PGLYRP4: variants seen among roughly 807,000 people sequenced by gnomAD.
PGLYRP4 encodes PGRP-I-beta.
In PGLYRP4, 39 loss-of-function variants were observed where a neutral mutation model predicts 41.2. That is an observed-to-expected ratio of 0.95 (90% CI 0.73 to 1.24). PGLYRP4 has a LOEUF of 1.24. Ranked by LOEUF, PGLYRP4 falls within the 50% of genes most tolerant of loss-of-function variation. The pLI, the probability that PGLYRP4 is intolerant of heterozygous loss-of-function variation, is 0.00. For synonymous variants in PGLYRP4, 202 were observed against 186.8 expected, an observed-to-expected ratio of 1.08 and a Z score of -0.66; for missense variants, 467 against 460.7, an observed-to-expected ratio of 1.01 and a Z score of -0.13.
intron 8 of PGLYRP4, among the ~76,000 whole-genome samples, chr1:153,334,097 G>A (rs577650900): frequency 3.3e-5 from 5 of 152,024 alleles, no homozygotes; most frequent in African/African-American, 9.7e-5. Flanking sequence ...AATTGGAAAA[G>A]AGGAAGTCAA....
chr1:153,338,248 C>A (rs957148855), intron 7 of PGLYRP4, among the ~76,000 whole-genome samples: 1 of 152,180 alleles, frequency 6.6e-6, no homozygotes, highest in Non-Finnish European at 1.5e-5. Flanking sequence ...TCAATGATGT[C>A]TCCCAACTAC....
At chr1:153,338,312 C>T (rs1404548286) in intron 7 of PGLYRP4, among the ~76,000 whole-genome samples, 2 of 152,210 alleles carry the variant, frequency 1.3e-5, no homozygotes, top group Non-Finnish European at 2.9e-5. Flanking sequence ...CCACTGACCT[C>T]TGAAATTCTT....
chr1:153,332,284 T>C lies in PGLYRP4; in HGVS notation c.944-1339A>G, dbSNP rs183628867. ...AAGCTATAACAATCCTAAATATATA[T>C]GCACCCAACTCATATATATATAATG... On this transcript the variant is annotated intron_variant, in intron 8 of 8. Coordinates refer to ENST00000359650, the MANE Select transcript of PGLYRP4 (RefSeq NM_020393.4). 2.5e-3 allele frequency among the ~76,000 whole-genome samples: 384 copies of C among 152,242 alleles called. 1 individual carries two copies. The highest frequency in any genetic ancestry group is 3.1e-3 in the Non-Finnish European group (212 of 67,998).
intron 8 of PGLYRP4, among the ~76,000 whole-genome samples, chr1:153,332,389 G>T (rs1393493021): frequency 6.6e-6 from 1 of 151,958 alleles, no homozygotes; most frequent in Non-Finnish European, 1.5e-5. Flanking sequence ...AACAAATACT[G>T]CTAGACCTAA....
Position 153,330,629 on chromosome 1 carries a change from C to T in PGLYRP4, c.*138G>A, listed in dbSNP as rs887472592. 1 of 657,878 alleles carries T rather than the reference C, an allele frequency of 1.5e-6. No homozygotes were observed. Among genetic ancestry groups the T allele is most frequent in the African/African-American group, 1.8e-5 (1 of 55,676 alleles). The allele number at this position is 657,878 out of a possible 1,614,324, so 40.8% of individuals were successfully genotyped here. A position where few individuals can be genotyped will look rare whatever the true frequency, so the allele number is the denominator to read the frequency against. Reference sequence around the variant, plus strand: ...GGATGTTGGCAGGAGAGGGCATGATCATCCCAACCTGAAAAAGGAGGCACA... The same window carrying T: ...GGATGTTGGCAGGAGAGGGCATGATTATCCCAACCTGAAAAAGGAGGCACA... On this transcript the variant is annotated 3_prime_UTR_variant, in exon 9 of 9. Transcript: ENST00000359650.
At chr1:153,346,057 C>G (rs1005023934) in intron 3 of PGLYRP4, 45 bp downstream of exon 3, 1 of 1,403,524 alleles carries the variant, frequency 7.1e-7, no homozygotes, top group Non-Finnish European at 1.0e-6. Context: ...ACATGAAAAA[C>G]CCCAGCTCGT....
chr1:153,348,808 C>T lies in PGLYRP4; in HGVS notation c.-327G>A, dbSNP rs1661120504. On this transcript the variant is annotated 5_prime_UTR_variant, in exon 1 of 9. Transcript: ENST00000359650. ...GAAGACAGAGGGCAAGGCTCTGAGC[C>T]AGCTCCTTTCACAGCACCTGGAGAA... is the stretch of plus-strand genomic sequence containing the variant. The T allele has an allele frequency of 6.6e-6, 1 of 152,362 alleles. No individual in the cohort carries two copies. The highest frequency in any genetic ancestry group is 1.5e-5 in the Non-Finnish European group (1 of 68,158). The allele number at this position is 152,362 out of a possible 1,614,324, so 9.4% of individuals were successfully genotyped here. A position where few individuals can be genotyped will look rare whatever the true frequency, so the allele number is the denominator to read the frequency against.
At chr1:153,342,143 G>A (rs1037001017) in intron 5 of PGLYRP4, among the ~76,000 whole-genome samples, 11 of 152,140 alleles carry the variant, frequency 7.2e-5, no homozygotes, top group African/African-American at 2.4e-4. Flanking sequence ...CATTTAATCA[G>A]CAGCACAAAC....
chr1:153,335,938 C>T (rs1264246737), intron 8 of PGLYRP4, among the ~76,000 whole-genome samples: 1 of 152,068 alleles, frequency 6.6e-6, no homozygotes, highest in Non-Finnish European at 1.5e-5. Context: ...ATCAAAAAGA[C>T]ATTTGCACTC....
Position 153,340,363 on chromosome 1 carries a change from G to A in PGLYRP4, c.824+18C>T, listed in dbSNP as rs771233465. On this transcript the variant is annotated intron_variant, in intron 7 of 8. Transcript: ENST00000359650. ...GCCCCCAAGGGAAAAGAAGCCCAGT[G>A]TACCCAGACCCACTCACTTATAACC... is the stretch of plus-strand genomic sequence containing the variant. 4.3e-6 allele frequency: 7 copies of A among 1,610,666 alleles called. No homozygotes were observed. Among genetic ancestry groups the A allele is most frequent in the Admixed American group, 1.7e-5 (1 of 59,994 alleles).
intron 8 of PGLYRP4, among the ~76,000 whole-genome samples, chr1:153,334,722 C>A (rs1188460837): frequency 6.6e-6 from 1 of 151,860 alleles, no homozygotes; most frequent in Non-Finnish European, 1.5e-5. Flanking sequence ...TCATATGGAA[C>A]TAAGAAAGAA....
chr1:153,340,403 T>A lies in PGLYRP4; in HGVS notation c.802A>T (p.Lys268Ter), dbSNP rs753209719. 3 of 1,613,024 alleles carry A rather than the reference T, an allele frequency of 1.9e-6. No individual in the cohort carries two copies. The highest frequency in any genetic ancestry group is 2.5e-6 in the Non-Finnish European group (3 of 1,179,092). Residue 268 changes from lysine (K) to a stop codon, truncating the protein, a stop_gained, in exon 7 of 9, where the codon AAG becomes TAG. Coordinates refer to ENST00000359650, the MANE Select transcript of PGLYRP4 (RefSeq NM_020393.4). LOFTEE classifies it high-confidence loss of function. ...CACTTATAACCAATGTCGCATGACT[T>A]GAGCCTGTCTATGTAGAAAGACTGG... ...DIQSFYIDRL[K>*]SCDIGYNFLV...
intron 3 of PGLYRP4, 24 bp from the exon 4 acceptor site, chr1:153,345,406 C>T: frequency 6.2e-7 from 1 of 1,600,724 alleles, no homozygotes; most frequent in Admixed American, 1.7e-5. Context: ...CTCAGCGCAC[C>T]TGCCCCATCA....
In PGLYRP4 at chr1:153,347,881, T is replaced by A. The variant is rs1416289545; in HGVS notation, c.49+3A>T. On this transcript the variant is annotated splice_donor_region_variant and intron_variant, in intron 2 of 8. Coordinates refer to ENST00000359650, the MANE Select transcript of PGLYRP4 (RefSeq NM_020393.4). The stretch of plus-strand genomic sequence containing the variant: ...CTTTTTGGCCCAGGGAAAGAAAACT[T>A]ACCCCAGGCCTGGATACCCAGAGCA... 3.1e-6 allele frequency: 5 copies of A among 1,611,700 alleles called. No individual in the cohort carries two copies. Among genetic ancestry groups the A allele is most frequent in the Non-Finnish European group, 4.2e-6 (5 of 1,178,110 alleles).
In PGLYRP4 at chr1:153,330,209, A is replaced by G. The variant is rs1557819842; in HGVS notation, c.*558T>C. 6.6e-6 allele frequency: 1 copy of G among 152,418 alleles called. No individual in the cohort carries two copies. Among genetic ancestry groups the G allele is most frequent in the Non-Finnish European group, 1.5e-5 (1 of 68,174 alleles). The allele number at this position is 152,418 out of a possible 1,614,324, so 9.4% of individuals were successfully genotyped here. On this transcript the variant is annotated 3_prime_UTR_variant, in exon 9 of 9. Transcript: ENST00000359650. ...TTCAGACACTGCTGAGAAACAGAGG[A>G]CATAGAGATGAATAAAACACAGTTC...
chr1:153,334,291 A>G (rs2987769), intron 8 of PGLYRP4, among the ~76,000 whole-genome samples: 61,741 of 150,818 alleles, frequency 0.41, 13,169 homozygotes, highest in Non-Finnish European at 0.47. Context: ...ACTCAATTCC[A>G]TATACAATAG....
intron 7 of PGLYRP4, among the ~76,000 whole-genome samples, chr1:153,338,370 C>G (rs1660657041): frequency 1.3e-5 from 2 of 152,204 alleles, no homozygotes; most frequent in Non-Finnish European, 2.9e-5. Flanking sequence ...TGTCACCACT[C>G]AGTCCTGCCT....
Position 153,341,417 on chromosome 1 carries a change from C to T in PGLYRP4, c.625+210G>A, listed in dbSNP as rs191704946. ...TGACACCAGGGATAATGCTATGGCT[C>T]TTTCATATGAGGAATCTGAGGGACA... On this transcript the variant is annotated intron_variant, in intron 6 of 8. Transcript: ENST00000359650. Among the ~76,000 whole-genome samples, 82 of 152,284 alleles carry T rather than the reference C, an allele frequency of 5.4e-4. 1 individual carries two copies. Among genetic ancestry groups the T allele is most frequent in the Admixed American group, 4.8e-3 (73 of 15,292 alleles).
intron 8 of PGLYRP4, among the ~76,000 whole-genome samples, chr1:153,334,804 T>C (rs1476375960): frequency 1.3e-5 from 2 of 152,156 alleles, no homozygotes; most frequent in African/African-American, 2.4e-5. Flanking sequence ...CTTCAAATTA[T>C]ACTACAAGAC....
Sources: gnomAD v4.1 joint callset for allele counts (sites outside exome capture counted in the v4.1 genomes callset) on GRCh38, gnomAD v4.1.1 for gene constraint, MANE v1.5 for transcripts, NCBI Gene and HGNC (gene_info 2026-07-23, HGNC 2026-07-21) for gene names.